The following FANCI variants were observed in gnomAD, a reference collection of about 807,000 sequenced individuals.
FANCI encodes the protein FA complementation group I, also known as Fanconi anemia group I protein.
Under a neutral mutation model 176.1 loss-of-function variants are expected in FANCI, and 156 were observed. The ratio of observed to expected loss-of-function variants is 0.89; its 90% CI spans 0.78 to 1.01. The LOEUF (loss-of-function observed/expected upper bound fraction) is 1.01. FANCI is among the 50% of genes least tolerant of loss of function. FANCI has a pLI of 0.00. For synonymous variants in FANCI, 613 were observed against 541.7 expected (o/e 1.13, Z -1.83); for missense variants, 1,678 against 1,534.1 (o/e 1.09, Z -1.57).
intron 4 of FANCI, 108 bp from the exon 5 acceptor site, chr15:89,261,477 C>A: frequency 1.4e-6 from 2 of 1,384,556 alleles, no homozygotes; most frequent in Non-Finnish European, 2.0e-6. Context: ...GGGACCAGTT[C>A]TGGATCTCGG....
At chr15:89,297,169 C>T (rs1005543446) in intron 24 of FANCI, among the ~76,000 whole-genome samples, 4 of 131,650 alleles carry the variant, frequency 3.0e-5, no homozygotes, top group East Asian at 2.3e-4. Context: ...ACGGGGCGGC[C>T]GGGCAGAGGT....
intron 10 of FANCI, among the ~76,000 whole-genome samples, chr15:89,268,837 A>C (rs1350186193): frequency 1.3e-5 from 2 of 152,174 alleles, no homozygotes; most frequent in African/African-American, 4.8e-5. Flanking sequence ...CAGGAAACTC[A>C]AAATCTAATT....
rs745341673 is a variant in FANCI, at chr15:89,258,711, A to T, written c.92A>T (p.Asn31Ile). The change falls in exon 3 of 38, where the codon AAT becomes ATT. Residue 31 changes from asparagine to isoleucine, a missense_variant. Asn to Ile is a moderately radical substitution (Grantham distance 149, BLOSUM62 -3). Coordinates refer to ENST00000310775, the MANE Select transcript of FANCI (RefSeq NM_001113378.2). ...CTTTTTCTTTCTTTGCAGTTGACTA[A>T]TCTCCTTCAGAATCAAGCAGTGAAA... Reference protein sequence around the residue: ...LQTLREGDLTNLLQNQAVKGK... With the variant: ...LQTLREGDLTILLQNQAVKGK... 3.1e-6 allele frequency: 5 copies of T among 1,613,286 alleles called. No individual in the cohort carries two copies. Among genetic ancestry groups the T allele is most frequent in the Non-Finnish European group, 4.2e-6 (5 of 1,179,308 alleles).
chr15:89,257,232 C>G (rs558515614), intron 2 of FANCI, among the ~76,000 whole-genome samples: 3 of 152,122 alleles, frequency 2.0e-5, no homozygotes, highest in Admixed American at 6.5e-5. Context: ...ATCACCACCC[C>G]CTACTTCCCT....
intron 17 of FANCI, among the ~76,000 whole-genome samples, 184 bp downstream of exon 17, chr15:89,283,434 AGATTTACT>A (rs1434139218): frequency 6.6e-6 from 1 of 152,202 alleles, no homozygotes; most frequent in Non-Finnish European, 1.5e-5. Context: ...CATTAATGGC[AGATTTACT>A]GTATGCTAAA....
rs926787519 is a variant in FANCI at position 89,274,171 on chromosome 15, C to T, written c.979C>T (p.Leu327Phe). 20 of 1,558,924 alleles carry T rather than the reference C, an allele frequency of 1.3e-5. No individual in the cohort carries two copies. Among genetic ancestry groups the T allele is most frequent in the Non-Finnish European group, 1.7e-5 (20 of 1,150,162 alleles). ...TRIQRFQDQV[L>F]DLLKTSVVKS... ...ATTTTTATTAACTATACTCAAGGTG[C>T]TTGATCTTTTAAAGACTTCGGTTGT... The change falls in exon 12 of 38, where the codon CTT becomes TTT. Residue 327 changes from leucine to phenylalanine, a missense_variant. Coordinates refer to ENST00000310775, the MANE Select transcript of FANCI (RefSeq NM_001113378.2).
intron 34 of FANCI, among the ~76,000 whole-genome samples, chr15:89,308,964 G>T (rs964414195): frequency 1.5e-4 from 22 of 150,296 alleles, no homozygotes; most frequent in African/African-American, 4.1e-4. Flanking sequence ...AAAAAATAAA[G>T]AATCAGCCAT....
chr15:89,282,586 A>G (rs75440594), intron 16 of FANCI: 409 of 179,782 alleles, frequency 2.3e-3, no homozygotes, highest in African/African-American at 9.3e-3. Context: ...ATATGCTATT[A>G]TCTTTGTTCT....
intron 16 of FANCI, chr15:89,282,156 A>T (rs1333050543): frequency 2.7e-6 from 1 of 370,502 alleles, no homozygotes; most frequent in Non-Finnish European, 5.2e-6. Flanking sequence ...CAGGTCTAAC[A>T]TCAGAGCTTG....
chr15:89,268,922 G>A (rs1261177951), intron 10 of FANCI, among the ~76,000 whole-genome samples: 2 of 152,124 alleles, frequency 1.3e-5, no homozygotes, highest in Non-Finnish European at 2.9e-5. Context: ...GAACTAGGAT[G>A]TTGCATCTAG....
intron 19 of FANCI, among the ~76,000 whole-genome samples, chr15:89,291,342 C>T (rs1024524242): frequency 2.6e-5 from 4 of 152,018 alleles, no homozygotes; most frequent in African/African-American, 9.7e-5. Flanking sequence ...TTTTTAACCT[C>T]CAAGTTAACT....
At position 89,316,694 on chromosome 15, in the gene FANCI, A is replaced by G; in HGVS notation, c.*235A>G. On this transcript the variant is annotated 3_prime_UTR_variant, in exon 38 of 38. Coordinates refer to ENST00000310775, the MANE Select transcript of FANCI (RefSeq NM_001113378.2). ...GCACAGCTGAAAGCCTGAGTTTGGG[A>G]GCCTGCACCACCCCGATGAAGCTCC... The G allele has an allele frequency of 7.1e-7, 1 of 1,408,332 alleles. No individual in the cohort carries two copies. The highest frequency in any genetic ancestry group is 2.3e-5 in the East Asian group (1 of 43,482). 87.2% of individuals were successfully genotyped at this position (1,408,332 alleles called of 1,614,324 possible). A position where few individuals can be genotyped will look rare whatever the true frequency, so the allele number is the denominator to read the frequency against.
At chr15:89,253,756 G>T (rs1461905811) in intron 2 of FANCI, among the ~76,000 whole-genome samples, 5 of 136,048 alleles carry the variant, frequency 3.7e-5, no homozygotes, top group African/African-American at 1.4e-4. Flanking sequence ...ACAGAAAAAG[G>T]ATTAATATCC....
chr15:89,301,916 A>G (rs1386874056), intron 27 of FANCI, among the ~76,000 whole-genome samples: 2 of 152,254 alleles, frequency 1.3e-5, no homozygotes, highest in Admixed American at 1.3e-4. Flanking sequence ...AAGTGTAACT[A>G]TAGTCCCAAA....
intron 2 of FANCI, among the ~76,000 whole-genome samples, chr15:89,252,306 A>AG (rs1425748775): frequency 2.0e-5 from 3 of 152,112 alleles, no homozygotes; most frequent in Non-Finnish European, 4.4e-5. Flanking sequence ...ATCTAAAAAA[A>AG]AAAAAAAGAA....
At chr15:89,279,763 G>T (rs1366072102) in intron 14 of FANCI, among the ~76,000 whole-genome samples, 3 of 152,048 alleles carry the variant, frequency 2.0e-5, no homozygotes, top group Non-Finnish European at 4.4e-5. Flanking sequence ...TCAAACACAA[G>T]TTCTGTCATT....
Position 89,294,905 on chromosome 15 carries a change from C to G in FANCI, c.2457-10C>G, listed in dbSNP as rs1478651749. ...TTCCTTTTTCTTTCTCTCTCTCTGT[C>G]TCTCTCTAGGGATAGTATCCAAAGC... On this transcript the variant is annotated splice_polypyrimidine_tract_variant and intron_variant, in intron 23 of 37. Coordinates refer to ENST00000310775, the MANE Select transcript of FANCI (RefSeq NM_001113378.2). 13 of 1,549,730 alleles carry G rather than the reference C, an allele frequency of 8.4e-6. No individual in the cohort carries two copies. Among genetic ancestry groups the G allele is most frequent in the Non-Finnish European group, 1.1e-5 (13 of 1,146,466 alleles).
In FANCI at chr15:89,306,506, A is replaced by C. The variant is rs1420537022; in HGVS notation, c.3537+312A>C. On this transcript the variant is annotated intron_variant, in intron 32 of 37. Coordinates refer to ENST00000310775, the MANE Select transcript of FANCI (RefSeq NM_001113378.2). ...CAGGAGTTCGAGACCAGCCTGGCCA[A>C]CATGGTGAAACCCCGTCTCTACTAA... 5.9e-5 allele frequency among the ~76,000 whole-genome samples: 9 copies of C among 152,180 alleles called. No homozygotes were observed. The South Asian group carries it at 1.0e-3, about 18-fold the overall frequency.
At chr15:89,275,720 G>A (rs1476176284) in intron 12 of FANCI, among the ~76,000 whole-genome samples, 2 of 152,170 alleles carry the variant, frequency 1.3e-5, no homozygotes, top group South Asian at 2.1e-4. Flanking sequence ...AAAGAAGGAG[G>A]TACTCACTAA....
Sources: allele counts gnomAD v4.1 joint callset (sites outside exome capture counted in the v4.1 genomes callset), GRCh38; gene constraint gnomAD v4.1.1; transcripts MANE v1.5; gene names NCBI Gene and HGNC (gene_info 2026-07-23, HGNC 2026-07-21).